The following LRRC2 variants were observed in gnomAD, a reference collection of about 807,000 sequenced individuals.
LRRC2 encodes leucine-rich repeat-containing protein 2.
Under a neutral mutation model 40.2 loss-of-function variants are expected in LRRC2, and 27 were observed. That is an observed-to-expected ratio of 0.67 (90% CI 0.49 to 0.93). LRRC2 has a LOEUF of 0.93. Ranked by LOEUF, LRRC2 falls within the 40% of genes least tolerant of loss-of-function variation. The probability of loss-of-function intolerance (pLI) is 0.00; values close to 1 mark genes in which losing one functional copy is unlikely to be tolerated. For synonymous variants in LRRC2, 147 were observed against 158.9 expected (o/e 0.92, Z 0.56); for missense variants, 402 against 439.6 (o/e 0.91, Z 0.76).
At chr3:46,522,201 C>G (rs1426664886) in intron 7 of LRRC2, among the ~76,000 whole-genome samples, 1 of 151,780 alleles carries the variant, frequency 6.6e-6, no homozygotes, top group African/African-American at 2.4e-5. Flanking sequence ...ATGGTGAAAC[C>G]CTGTCTCTAC....
intron 1 of LRRC2, among the ~76,000 whole-genome samples, chr3:46,555,883 G>A (rs544049091): frequency 6.6e-6 from 1 of 152,146 alleles, no homozygotes; most frequent in African/African-American, 2.4e-5. Flanking sequence ...AAAATATACT[G>A]ACATATTCTG....
At chr3:46,541,689 C>T (rs1704395528) in intron 3 of LRRC2, among the ~76,000 whole-genome samples, 1 of 152,098 alleles carries the variant, frequency 6.6e-6, no homozygotes, top group Admixed American at 6.6e-5. Flanking sequence ...GCCTGGTACC[C>T]CTGGAAGTGA....
At position 46,527,569 on chromosome 3, in the gene LRRC2, C is replaced by A; in HGVS notation, c.786G>T (p.Leu262=). ...TGTTTTTATACAAGAGAAAGCTCTG[C>A]AGCTCCTCTAGCCTAAGAAGAGGTA... ...LPQDIDRLEE[L]QSFLLYKNKL... is the part of the protein sequence containing the mutation. Residue 262 remains leucine, a synonymous_variant, in exon 7 of 9, where the codon CTG becomes CTT. Transcript: ENST00000395905. 1 of 1,613,910 alleles carries A rather than the reference C, an allele frequency of 6.2e-7. No individual in the cohort carries two copies. The highest frequency in any genetic ancestry group is 2.2e-5 in the East Asian group (1 of 44,870).
At chr3:46,565,342 A>G (rs79419061) in intron 1 of LRRC2, among the ~76,000 whole-genome samples, 1,740 of 152,332 alleles carry the variant, frequency 0.011, 32 homozygotes, top group African/African-American at 0.039. Context: ...CACTGAGCTC[A>G]CAGGTTGGCG....
At chr3:46,564,932 C>T (rs17078958) in intron 1 of LRRC2, among the ~76,000 whole-genome samples, 1 of 152,236 alleles carries the variant, frequency 6.6e-6, no homozygotes, top group Admixed American at 6.5e-5. Context: ...AACCAAGGAG[C>T]TTTGGTGACT....
In LRRC2 at chr3:46,517,897, C is replaced by G. The variant is rs1027165257; in HGVS notation, c.*1117G>C. 6.6e-6 allele frequency: 1 copy of G among 152,280 alleles called. No individual in the cohort carries two copies. Among genetic ancestry groups the G allele is most frequent in the Non-Finnish European group, 1.5e-5 (1 of 68,102 alleles). 9.4% of individuals were successfully genotyped at this position (152,280 alleles called of 1,614,324 possible). A position where few individuals can be genotyped will look rare whatever the true frequency, so the allele number is the denominator to read the frequency against. Reference sequence around the variant, plus strand: ...ACCCACAAGGAAGCCTTGCTAGGAACTCCTTATCAGTGTGGACTGGTCATC... The same window carrying G: ...ACCCACAAGGAAGCCTTGCTAGGAAGTCCTTATCAGTGTGGACTGGTCATC... On this transcript the variant is annotated 3_prime_UTR_variant, in exon 9 of 9. Coordinates refer to ENST00000395905, the MANE Select transcript of LRRC2 (RefSeq NM_024512.5).
intron 7 of LRRC2, 31 bp downstream of exon 7, chr3:46,527,395 G>C: frequency 1.9e-6 from 3 of 1,612,870 alleles, no homozygotes; most frequent in Non-Finnish European, 2.5e-6. Context: ...CTGTGTCTGA[G>C]TGTGTCTACT....
intron 6 of LRRC2, among the ~76,000 whole-genome samples, chr3:46,528,509 C>A (rs1227534793): frequency 6.6e-6 from 1 of 152,134 alleles, no homozygotes; most frequent in South Asian, 2.1e-4. Context: ...AAGGCAACTG[C>A]GGAGTGAAAA....
intron 7 of LRRC2, 45 bp downstream of exon 7, chr3:46,527,381 T>C: frequency 6.2e-6 from 10 of 1,607,980 alleles, no homozygotes; most frequent in Non-Finnish European, 8.5e-6. Flanking sequence ...TTCTCACTCC[T>C]TACCTGTGTC....
intron 1 of LRRC2, among the ~76,000 whole-genome samples, chr3:46,562,979 G>T (rs995716985): frequency 2.6e-5 from 4 of 152,066 alleles, no homozygotes; most frequent in Non-Finnish European, 5.9e-5. Flanking sequence ...GCCCGCCTCG[G>T]CATCCCAAAG....
Position 46,516,849 on chromosome 3 carries a change from T to TAG in LRRC2, c.*2164_*2165insCT, listed in dbSNP as rs1703870515. 1 of 152,278 alleles carries TAG rather than the reference T, an allele frequency of 6.6e-6. No individual in the cohort carries two copies. The highest frequency in any genetic ancestry group is 1.9e-4 in the East Asian group (1 of 5,200). The allele number at this position is 152,278 out of a possible 1,614,324, so 9.4% of individuals were successfully genotyped here. On this transcript the variant is annotated 3_prime_UTR_variant, in exon 9 of 9. Transcript: ENST00000395905. The stretch of plus-strand genomic sequence containing the variant: ...GGACATGCCCAGGTAGAACATCCCT[T>TAG]GTCTCACTGCCCATCACAAGGACGC...
At chr3:46,555,311 CTCTA>C (rs1212859305) in intron 1 of LRRC2, among the ~76,000 whole-genome samples, 2 of 152,062 alleles carry the variant, frequency 1.3e-5, no homozygotes, top group Non-Finnish European at 1.5e-5. Flanking sequence ...TTCTGACTAT[CTCTA>C]TCTTTTAATT....
intron 7 of LRRC2, among the ~76,000 whole-genome samples, chr3:46,527,122 C>G (rs1382416675): frequency 6.6e-6 from 1 of 152,196 alleles, no homozygotes; most frequent in Non-Finnish European, 1.5e-5. Context: ...CTGCTGACCC[C>G]TCCAGGCCAG....
At chr3:46,560,014 A>C (rs1163490194) in intron 1 of LRRC2, among the ~76,000 whole-genome samples, 8 of 152,214 alleles carry the variant, frequency 5.3e-5, no homozygotes, top group Non-Finnish European at 8.8e-5. Context: ...AGAGATTTAC[A>C]TGTGATGTCC....
chr3:46,515,952 C>CTTTTTTTTTTTTTTTTTT lies in LRRC2; in HGVS notation c.*3044_*3061dup, dbSNP rs35530625. 1.7e-5 allele frequency: 2 copies of CTTTTTTTTTTTTTTTTTT among 117,094 alleles called. No individual in the cohort carries two copies. Among genetic ancestry groups the CTTTTTTTTTTTTTTTTTT allele is most frequent in the African/African-American group, 8.3e-5 (2 of 23,984 alleles). The allele number at this position is 117,094 out of a possible 1,614,324, so 7.3% of individuals were successfully genotyped here. A position where few individuals can be genotyped will look rare whatever the true frequency, so the allele number is the denominator to read the frequency against. ...TTTCCTACTCTTTTCATCTCTCTCT[C>CTTTTTTTTTTTTTTTTTT]TTTTTTTTTTTTTTTTTTTTTTTTT... On this transcript the variant is annotated 3_prime_UTR_variant, in exon 9 of 9. Coordinates refer to ENST00000395905, the MANE Select transcript of LRRC2 (RefSeq NM_024512.5).
At chr3:46,537,556 A>T in intron 4 of LRRC2, among the ~76,000 whole-genome samples, 1 of 152,174 alleles carries the variant, frequency 6.6e-6, no homozygotes, top group East Asian at 1.9e-4. Flanking sequence ...AATGATAATG[A>T]TTCAGTCAGT....
At chr3:46,526,284 C>A (rs1213973772) in intron 7 of LRRC2, among the ~76,000 whole-genome samples, 1 of 152,204 alleles carries the variant, frequency 6.6e-6, no homozygotes, top group Non-Finnish European at 1.5e-5. Flanking sequence ...CCATCTGACT[C>A]TCTTAGATTT....
chr3:46,539,668 A>G (rs1334777044), intron 3 of LRRC2, among the ~76,000 whole-genome samples: 1 of 152,198 alleles, frequency 6.6e-6, no homozygotes, highest in Non-Finnish European at 1.5e-5. Flanking sequence ...AAAGGGAAAA[A>G]GCATGAGAAA....
rs1256014285 is a variant in LRRC2 at position 46,518,364 on chromosome 3, CT to C, written c.*649del. On this transcript the variant is annotated 3_prime_UTR_variant, in exon 9 of 9. Coordinates refer to ENST00000395905, the MANE Select transcript of LRRC2 (RefSeq NM_024512.5). ...CACAATCCCTTTATCTTTTTCTTTT[CT>C]TTTTTTTTTTTTTTGAGACAGAGTC... The C allele has an allele frequency of 5.8e-3, 813 of 141,372 alleles. 6 individuals carry two copies. Among genetic ancestry groups the C allele is most frequent in the African/African-American group, 0.015 (591 of 38,690 alleles). The allele number at this position is 141,372 out of a possible 1,614,324, so 8.8% of individuals were successfully genotyped here.
Sources: gnomAD v4.1 joint callset for allele counts (sites outside exome capture counted in the v4.1 genomes callset) on GRCh38, gnomAD v4.1.1 for gene constraint, MANE v1.5 for transcripts, NCBI Gene and HGNC (gene_info 2026-07-23, HGNC 2026-07-21) for gene names.